The following LY86 variants were observed in gnomAD, a reference collection of about 807,000 sequenced individuals.
LY86 encodes lymphocyte antigen 86.
In LY86, 20 loss-of-function variants were observed where a neutral mutation model predicts 17.3. The ratio of observed to expected loss-of-function variants is 1.15; its 90% CI spans 0.81 to 1.68. LY86 has a LOEUF of 1.68. Among genes scored for constraint, LY86 ranks in the 40% most tolerant of loss-of-function variants. The pLI, the probability that LY86 is intolerant of heterozygous loss-of-function variation, is 0.00. For missense variants in LY86, 200 were observed against 191.9 expected (o/e 1.04, Z -0.25); for synonymous variants, 74 against 70.6 (o/e 1.05, Z -0.24).
intron 2 of LY86, 111 bp from the exon 3 acceptor site, chr6:6,626,182 A>G (rs1386996191): frequency 8.6e-6 from 9 of 1,040,670 alleles, no homozygotes; most frequent in African/African-American, 1.6e-5. Context: ...CACACAGAGA[A>G]GATTAATGGA....
At chr6:6,626,204 C>A in intron 2 of LY86, 89 bp from the exon 3 acceptor site, 2 of 1,329,428 alleles carry the variant, frequency 1.5e-6, no homozygotes, top group Non-Finnish European at 2.1e-6. Flanking sequence ...ACAAAAGGTT[C>A]TTTAGCTCAT....
intron 1 of LY86, among the ~76,000 whole-genome samples, chr6:6,610,803 A>G (rs1188943690): frequency 6.6e-6 from 1 of 152,174 alleles, no homozygotes; most frequent in Non-Finnish European, 1.5e-5. Context: ...CCACAACATG[A>G]GCGATGTTCA....
chr6:6,644,357 C>G (rs1762080833), intron 3 of LY86, among the ~76,000 whole-genome samples: 2 of 152,106 alleles, frequency 1.3e-5, no homozygotes, highest in African/African-American at 4.8e-5. Flanking sequence ...AACTCCATCT[C>G]TACAAAAAAC....
intron 1 of LY86, among the ~76,000 whole-genome samples, chr6:6,613,801 C>T (rs983219557): frequency 1.3e-5 from 2 of 152,260 alleles, no homozygotes; most frequent in Admixed American, 6.5e-5. Context: ...TGTCACCTCT[C>T]AATAGGGCCC....
intron 1 of LY86, chr6:6,621,092 G>A (rs1761662350): frequency 6.6e-6 from 1 of 152,262 alleles, no homozygotes; most frequent in Non-Finnish European, 1.5e-5. Flanking sequence ...CAGACAGCAA[G>A]GGAGTGCCAC....
intron 2 of LY86, 103 bp from the exon 3 acceptor site, chr6:6,626,190 G>A: frequency 8.5e-7 from 1 of 1,174,814 alleles, no homozygotes. Context: ...GAAGATTAAT[G>A]GAAACAAAAG....
chr6:6,600,866 A>C (rs1019924890), intron 1 of LY86, among the ~76,000 whole-genome samples: 1 of 152,010 alleles, frequency 6.6e-6, no homozygotes, highest in Non-Finnish European at 1.5e-5. Context: ...CCAGAGAGTA[A>C]ATTCTAGACT....
chr6:6,603,594 AAACAGAAACAG>A lies in LY86; in HGVS notation c.136+14727_136+14737del, dbSNP rs750963746. ...AAAACAAAGCCAAAGCCAAAAACAAAAACAGAAACAGAAAAAAAAACAAACAAAAAAAAACA... is the reference window on the plus strand; with the variant it reads ...AAAACAAAGCCAAAGCCAAAAACAAAAAAAAAAAACAAACAAAAAAAAACA... On this transcript the variant is annotated intron_variant, in intron 1 of 4. Coordinates refer to ENST00000230568, the MANE Select transcript of LY86 (RefSeq NM_004271.4). Among the ~76,000 whole-genome samples the A allele has an allele frequency of 1.3e-3, 102 of 77,736 alleles. 4 individuals are homozygous for A. The highest frequency in any genetic ancestry group is 0.011 in the South Asian group (23 of 2,096). 51.0% of individuals were successfully genotyped at this position (77,736 alleles called of 152,430 possible).
At chr6:6,597,376 G>A (rs1340847730) in intron 1 of LY86, among the ~76,000 whole-genome samples, 3 of 152,174 alleles carry the variant, frequency 2.0e-5, no homozygotes, top group African/African-American at 4.8e-5. Context: ...CACAGAACGG[G>A]AGCAGGGCTG....
intron 1 of LY86, among the ~76,000 whole-genome samples, chr6:6,590,950 T>C (rs533626907): frequency 8.5e-5 from 13 of 152,048 alleles, no homozygotes; most frequent in Non-Finnish European, 1.9e-4. Flanking sequence ...AAATTAAAAA[T>C]AAGTAAAAGA....
intron 1 of LY86, among the ~76,000 whole-genome samples, chr6:6,616,785 G>C (rs1302374760): frequency 6.6e-6 from 1 of 152,212 alleles, no homozygotes; most frequent in Admixed American, 6.5e-5. Context: ...GGCATGTCAA[G>C]AAAAGTCCCA....
intron 1 of LY86, among the ~76,000 whole-genome samples, chr6:6,613,533 C>G (rs530404520): frequency 6.6e-6 from 1 of 152,172 alleles, no homozygotes; most frequent in Non-Finnish European, 1.5e-5. Flanking sequence ...TCAGGCCGGC[C>G]GCTCCGAGTG....
intron 1 of LY86, among the ~76,000 whole-genome samples, chr6:6,620,627 G>T (rs1160795884): frequency 6.6e-6 from 1 of 152,192 alleles, no homozygotes; most frequent in East Asian, 1.9e-4. Flanking sequence ...TCTTCCTACT[G>T]ATTCCAGTTG....
intron 1 of LY86, chr6:6,620,999 G>A (rs1040022638): frequency 3.9e-5 from 6 of 152,318 alleles, no homozygotes; most frequent in Non-Finnish European, 5.9e-5. Flanking sequence ...GGGGAGAGGG[G>A]AGCAGGGGCA....
At chr6:6,604,421 A>G (rs1761027733) in intron 1 of LY86, among the ~76,000 whole-genome samples, 1 of 152,244 alleles carries the variant, frequency 6.6e-6, no homozygotes, top group Admixed American at 6.5e-5. Context: ...ACCCTTTAAA[A>G]TGCAACATTT....
intron 3 of LY86, among the ~76,000 whole-genome samples, chr6:6,646,645 T>C (rs1278611285): frequency 1.3e-5 from 2 of 152,196 alleles, no homozygotes; most frequent in African/African-American, 4.8e-5. Flanking sequence ...ACTGCAATAA[T>C]AGAAACTCCA....
At chr6:6,637,937 G>C (rs371708355) in intron 3 of LY86, among the ~76,000 whole-genome samples, 1 of 152,184 alleles carries the variant, frequency 6.6e-6, no homozygotes, top group Non-Finnish European at 1.5e-5. Context: ...GGAACTGGTT[G>C]GTAGGTGGAA....
intron 4 of LY86, among the ~76,000 whole-genome samples, chr6:6,652,835 A>G (rs1443547142): frequency 6.6e-6 from 1 of 152,096 alleles, no homozygotes; most frequent in Middle Eastern, 3.2e-3. Flanking sequence ...ATAATCTAGA[A>G]CCCCTTCCTT....
intron 3 of LY86, among the ~76,000 whole-genome samples, chr6:6,643,322 A>T (rs1003896815): frequency 8.1e-4 from 124 of 152,378 alleles, no homozygotes; most frequent in African/African-American, 2.9e-3. Context: ...ACACAATGGA[A>T]TATGATTCAG....
Sources: gnomAD v4.1 joint callset for allele counts (sites outside exome capture counted in the v4.1 genomes callset) on GRCh38, gnomAD v4.1.1 for gene constraint, MANE v1.5 for transcripts, NCBI Gene and HGNC (gene_info 2026-07-23, HGNC 2026-07-21) for gene names.